The following CDC73 variants were observed in gnomAD, a reference collection of about 807,000 sequenced individuals.
CDC73 encodes parafibromin.
A neutral mutation model predicts 83.7 loss-of-function variants in CDC73; 21 were observed. The observed-to-expected ratio is 0.25, with a 90% CI of 0.18 to 0.36. CDC73 has a LOEUF of 0.36. CDC73 is among the 10% of genes least tolerant of loss of function. The probability of loss-of-function intolerance (pLI) is 1.00; values close to 1 mark genes in which losing one functional copy is unlikely to be tolerated. For synonymous variants in CDC73, 224 were observed against 212.9 expected (o/e 1.05, Z -0.45); for missense variants, 342 against 653.3 (o/e 0.52, Z 5.19).
chr1:193,225,245 GATATATATAT>G (rs56261261), intron 13 of CDC73, among the ~76,000 whole-genome samples: 9 of 143,532 alleles, frequency 6.3e-5, no homozygotes, highest in South Asian at 2.2e-4. Context: ...AGTATTCCAT[GATATATATAT>G]ATATATATAT....
chr1:193,126,120 A>G (rs745789921), intron 2 of CDC73, among the ~76,000 whole-genome samples: 1 of 152,142 alleles, frequency 6.6e-6, no homozygotes, highest in Non-Finnish European at 1.5e-5. Flanking sequence ...CGAAACGCTA[A>G]AAGTATTTAT....
At chr1:193,171,798 T>G (rs1676521502) in intron 10 of CDC73, among the ~76,000 whole-genome samples, 1 of 152,210 alleles carries the variant, frequency 6.6e-6, no homozygotes, top group African/African-American at 2.4e-5. Context: ...ATGGAAATCT[T>G]TGGAGAACCA....
intron 6 of CDC73, among the ~76,000 whole-genome samples, chr1:193,141,586 G>T (rs1675907420): frequency 1.3e-5 from 2 of 151,934 alleles, no homozygotes; most frequent in African/African-American, 4.8e-5. Context: ...TTTTTTGTGG[G>T]GAAGAGATGA....
chr1:193,153,765 T>C (rs1475897183), intron 10 of CDC73, among the ~76,000 whole-genome samples: 3 of 152,112 alleles, frequency 2.0e-5, no homozygotes, highest in Non-Finnish European at 4.4e-5. Flanking sequence ...CAAGTACTTA[T>C]TGAGCATTTG....
intron 13 of CDC73, among the ~76,000 whole-genome samples, chr1:193,229,779 TA>T (rs765064148): frequency 6.6e-6 from 1 of 152,130 alleles, no homozygotes. Flanking sequence ...TCAGAAACAT[TA>T]CATTGAATGA....
chr1:193,174,348 C>G (rs1044761526), intron 10 of CDC73, among the ~76,000 whole-genome samples: 1 of 151,770 alleles, frequency 6.6e-6, no homozygotes, highest in African/African-American at 2.4e-5. Context: ...CATTTGTTTC[C>G]TTTGATAATC....
chr1:193,152,695 C>G (rs1027032566), intron 10 of CDC73, among the ~76,000 whole-genome samples: 9 of 152,102 alleles, frequency 5.9e-5, no homozygotes, highest in Non-Finnish European at 1.2e-4. Flanking sequence ...AGGGCAATGC[C>G]ACCTGGTCAG....
chr1:193,135,868 CTTTTT>C (rs1038256301), intron 5 of CDC73, among the ~76,000 whole-genome samples: 59 of 127,146 alleles, frequency 4.6e-4, no homozygotes, highest in African/African-American at 1.6e-3. Flanking sequence ...CCTTTCTGTT[CTTTTT>C]TTTTTTTTTT....
intron 10 of CDC73, among the ~76,000 whole-genome samples, chr1:193,198,732 C>T (rs1370737619): frequency 6.6e-6 from 1 of 152,162 alleles, no homozygotes. Context: ...GAAGGGAAGT[C>T]TTCAAATCAG....
chr1:193,170,471 C>T (rs538502762), intron 10 of CDC73, among the ~76,000 whole-genome samples: 1 of 152,054 alleles, frequency 6.6e-6, no homozygotes, highest in Non-Finnish European at 1.5e-5. Flanking sequence ...TTTTGATAGC[C>T]GTTCTGACTG....
intron 10 of CDC73, among the ~76,000 whole-genome samples, chr1:193,192,369 G>A (rs1676933662): frequency 6.6e-6 from 1 of 152,170 alleles, no homozygotes; most frequent in South Asian, 2.1e-4. Flanking sequence ...CTTGGACCTG[G>A]GAGGCGGAAA....
chr1:193,205,219 A>C (rs1392978069), intron 11 of CDC73, among the ~76,000 whole-genome samples: 1 of 99,516 alleles, frequency 1.0e-5, no homozygotes, highest in African/African-American at 4.7e-5. Flanking sequence ...TTTTTTTTTA[A>C]ACTCATCAGT....
intron 13 of CDC73, among the ~76,000 whole-genome samples, chr1:193,230,217 C>T (rs1005098054): frequency 2.0e-5 from 3 of 148,226 alleles, no homozygotes; most frequent in South Asian, 2.1e-4. Context: ...GGTGTGATCT[C>T]GGCTTGCTGC....
chr1:193,177,824 A>C (rs1345299574), intron 10 of CDC73, among the ~76,000 whole-genome samples: 1 of 152,200 alleles, frequency 6.6e-6, no homozygotes, highest in African/African-American at 2.4e-5. Context: ...GTATACAAAG[A>C]GGTGTGAGGA....
At chr1:193,144,832 T>A (rs919088780) in intron 7 of CDC73, among the ~76,000 whole-genome samples, 21 of 143,922 alleles carry the variant, frequency 1.5e-4, no homozygotes, top group Non-Finnish European at 2.3e-4. Context: ...TTTTTTTTTT[T>A]AAATGAAGGA....
At chr1:193,182,689 G>T (rs758167512) in intron 10 of CDC73, among the ~76,000 whole-genome samples, 18 of 152,118 alleles carry the variant, frequency 1.2e-4, no homozygotes, top group African/African-American at 1.7e-4. Context: ...CATATATTAA[G>T]AACTGGTTAT....
intron 13 of CDC73, among the ~76,000 whole-genome samples, chr1:193,225,746 A>G (rs1406997636): frequency 6.6e-6 from 1 of 150,982 alleles, no homozygotes; most frequent in African/African-American, 2.4e-5. Context: ...CCACTTTTTC[A>G]TGGGATTGTT....
intron 10 of CDC73, among the ~76,000 whole-genome samples, chr1:193,187,102 T>TTCCC (rs1553285108): frequency 3.0e-5 from 1 of 32,874 alleles, no homozygotes; most frequent in African/African-American, 1.0e-4. Context: ...GTAATTTAGA[T>TTCCC]CCCCCCCCCC....
At chr1:193,145,686 G>C (rs1196823776) in intron 7 of CDC73, among the ~76,000 whole-genome samples, 2 of 152,148 alleles carry the variant, frequency 1.3e-5, no homozygotes, top group Non-Finnish European at 1.5e-5. Context: ...GGGGTGCTCA[G>C]TAATTTGTAA....
Sources: allele counts gnomAD v4.1 joint callset (sites outside exome capture counted in the v4.1 genomes callset), GRCh38; gene constraint gnomAD v4.1.1; transcripts MANE v1.5; gene names NCBI Gene and HGNC (gene_info 2026-07-23, HGNC 2026-07-21).